The following ZCCHC7 variants were observed in gnomAD, a reference collection of about 807,000 sequenced individuals.
The protein encoded by ZCCHC7 is zinc finger CCHC-type containing 7, also known as zinc finger CCHC domain-containing protein 7.
A neutral mutation model predicts 52.0 loss-of-function variants in ZCCHC7; 35 were observed. The observed-to-expected ratio is 0.67, with a 90% CI of 0.51 to 0.89. ZCCHC7 has a LOEUF of 0.89. Ranked by LOEUF, ZCCHC7 falls within the 40% of genes least tolerant of loss-of-function variation. The pLI, the probability that ZCCHC7 is intolerant of heterozygous loss-of-function variation, is 0.00. For missense variants in ZCCHC7, 574 were observed against 649.1 expected (o/e 0.88, Z 1.26); for synonymous variants, 217 against 221.5 (o/e 0.98, Z 0.18).
At chr9:37,170,988 A>G (rs1478855950) in intron 2 of ZCCHC7, among the ~76,000 whole-genome samples, 1 of 152,204 alleles carries the variant, frequency 6.6e-6, no homozygotes, top group Non-Finnish European at 1.5e-5. Context: ...GTTCTAGAGA[A>G]AAAAGCTCAC....
chr9:37,133,800 G>A (rs938901501), intron 2 of ZCCHC7, among the ~76,000 whole-genome samples: 9 of 152,142 alleles, frequency 5.9e-5, no homozygotes, highest in African/African-American at 2.2e-4. Context: ...TGTTGGCCAG[G>A]CTGGTCTTGA....
intron 2 of ZCCHC7, among the ~76,000 whole-genome samples, chr9:37,290,377 C>G (rs1049876142): frequency 6.6e-6 from 1 of 151,958 alleles, no homozygotes; most frequent in African/African-American, 2.4e-5. Context: ...GAATTGAGGC[C>G]AGGTGCAGTG....
chr9:37,323,985 T>C (rs529752018), intron 5 of ZCCHC7, among the ~76,000 whole-genome samples: 1 of 152,300 alleles, frequency 6.6e-6, no homozygotes, highest in East Asian at 1.9e-4. Context: ...TTTGTGTGCA[T>C]ATGGAACAGT....
intron 2 of ZCCHC7, among the ~76,000 whole-genome samples, chr9:37,270,048 G>A: frequency 6.6e-6 from 1 of 152,084 alleles, no homozygotes; most frequent in East Asian, 1.9e-4. Flanking sequence ...GAATTGAGAT[G>A]TGTTATAGTC....
At chr9:37,187,279 C>T (rs1042724955) in intron 2 of ZCCHC7, among the ~76,000 whole-genome samples, 16 of 152,200 alleles carry the variant, frequency 1.1e-4, no homozygotes, top group East Asian at 5.8e-4. Context: ...GGACAGGGGT[C>T]GGGGGATAGT....
chr9:37,128,632 T>G (rs1245538828), intron 2 of ZCCHC7, among the ~76,000 whole-genome samples: 1 of 152,254 alleles, frequency 6.6e-6, no homozygotes, highest in Non-Finnish European at 1.5e-5. Context: ...AATGCGTTGC[T>G]CTAGGTACCC....
Position 37,164,667 on chromosome 9 carries a change from G to GA in ZCCHC7, c.610+37726dup, listed in dbSNP as rs1588410335. Among the ~76,000 whole-genome samples, 3 of 152,282 alleles carry GA rather than the reference G, an allele frequency of 2.0e-5. No homozygotes were observed. In the East Asian group the frequency reaches 5.8e-4, roughly 29 times the overall value. ...CATGATCATGGCTTACTGCAGCCTT[G>GA]ACCTGGGCTTACTTGATTCTCTTAC... On this transcript the variant is annotated intron_variant, in intron 2 of 8. Transcript: ENST00000336755.
intron 8 of ZCCHC7, among the ~76,000 whole-genome samples, chr9:37,355,774 GA>G (rs1000063699): frequency 6.6e-6 from 1 of 152,164 alleles, no homozygotes; most frequent in East Asian, 1.9e-4. Context: ...TCATTTGGTT[GA>G]AAAAATCCAC....
intron 2 of ZCCHC7, among the ~76,000 whole-genome samples, chr9:37,281,960 T>G (rs1588606575): frequency 6.6e-6 from 1 of 152,230 alleles, no homozygotes; most frequent in East Asian, 1.9e-4. Flanking sequence ...ACTTTATTCC[T>G]GCTCCCACGT....
At chr9:37,321,240 G>A (rs189101540) in intron 5 of ZCCHC7, among the ~76,000 whole-genome samples, 8 of 151,612 alleles carry the variant, frequency 5.3e-5, no homozygotes, top group East Asian at 1.9e-4. Context: ...CACCCACCTC[G>A]GCCTCCCAAA....
chr9:37,314,486 A>G (rs940093968), intron 5 of ZCCHC7, among the ~76,000 whole-genome samples: 2 of 152,208 alleles, frequency 1.3e-5, no homozygotes, highest in African/African-American at 4.8e-5. Flanking sequence ...TTTTACTATT[A>G]AATCCACTAA....
At chr9:37,352,825 A>G (rs545298744) in intron 7 of ZCCHC7, among the ~76,000 whole-genome samples, 2 of 152,042 alleles carry the variant, frequency 1.3e-5, no homozygotes, top group East Asian at 1.9e-4. Context: ...ATGCCCTGCC[A>G]AAAGCGTTTC....
intron 2 of ZCCHC7, among the ~76,000 whole-genome samples, chr9:37,221,544 A>T (rs1824811379): frequency 6.6e-6 from 1 of 152,244 alleles, no homozygotes; most frequent in African/African-American, 2.4e-5. Flanking sequence ...AATAGTCAAT[A>T]TTGAATTCCA....
chr9:37,180,476 CTATT>C (rs1315471926), intron 2 of ZCCHC7, among the ~76,000 whole-genome samples: 1 of 151,980 alleles, frequency 6.6e-6, no homozygotes, highest in African/African-American at 2.4e-5. Flanking sequence ...TAGTAAAACA[CTATT>C]TGTTTTCTGA....
At chr9:37,146,167 G>A (rs1843426535) in intron 2 of ZCCHC7, among the ~76,000 whole-genome samples, 1 of 151,778 alleles carries the variant, frequency 6.6e-6, no homozygotes, top group Non-Finnish European at 1.5e-5. Context: ...ATTGTATTAA[G>A]TCCTTTGCTT....
intron 7 of ZCCHC7, among the ~76,000 whole-genome samples, chr9:37,353,944 C>T (rs1197311323): frequency 1.3e-5 from 2 of 152,078 alleles, no homozygotes; most frequent in African/African-American, 2.4e-5. Flanking sequence ...TGTCACAGAT[C>T]ATGATAAACA....
chr9:37,141,363 T>G (rs1843221312), intron 2 of ZCCHC7, among the ~76,000 whole-genome samples: 1 of 151,930 alleles, frequency 6.6e-6, no homozygotes, highest in Non-Finnish European at 1.5e-5. Context: ...TGTGTGTTCT[T>G]TGTTTTGCAG....
chr9:37,199,132 A>G (rs1823452171), intron 2 of ZCCHC7, among the ~76,000 whole-genome samples: 1 of 152,044 alleles, frequency 6.6e-6, no homozygotes, highest in Non-Finnish European at 1.5e-5. Context: ...CAATGAAAAC[A>G]TGCCCCAGAT....
chr9:37,322,741 TATTC>T (rs1396682003), intron 5 of ZCCHC7, among the ~76,000 whole-genome samples: 1 of 151,582 alleles, frequency 6.6e-6, no homozygotes. Flanking sequence ...ATCTGTATTT[TATTC>T]ATTTTGTTCA....
Sources: gnomAD v4.1 joint callset for allele counts (sites outside exome capture counted in the v4.1 genomes callset) on GRCh38, gnomAD v4.1.1 for gene constraint, MANE v1.5 for transcripts, NCBI Gene and HGNC (gene_info 2026-07-23, HGNC 2026-07-21) for gene names.